Variants in SCAF8 observed in about 807,000 individuals in gnomAD.
SCAF8 encodes SR-related CTD associated factor 8.
Under a neutral mutation model 140.5 loss-of-function variants are expected in SCAF8, and 23 were observed. That is an observed-to-expected ratio of 0.16 (90% CI 0.12 to 0.23). SCAF8 has a LOEUF of 0.23. Among genes scored for constraint, SCAF8 ranks in the 10% least tolerant of loss-of-function variants. The pLI, the probability that SCAF8 is intolerant of heterozygous loss-of-function variation, is 1.00. For missense variants in SCAF8, 1,397 were observed against 1,555.7 expected, an observed-to-expected ratio of 0.90 and a Z score of 1.72; for synonymous variants, 575 against 528.9, an observed-to-expected ratio of 1.09 and a Z score of -1.20.
At chr6:154,809,064 T>C (rs1036918638) in intron 11 of SCAF8, among the ~76,000 whole-genome samples, 3 of 152,194 alleles carry the variant, frequency 2.0e-5, no homozygotes, top group Non-Finnish European at 4.4e-5. Context: ...GTTAATATTA[T>C]GATGACACCC....
At chr6:154,737,676 C>A (rs149908849) in intron 1 of SCAF8, among the ~76,000 whole-genome samples, 1 of 151,994 alleles carries the variant, frequency 6.6e-6, no homozygotes, top group Non-Finnish European at 1.5e-5. Flanking sequence ...CACTCTGGCC[C>A]GGGCAACAGT....
Position 154,790,701 on chromosome 6 carries a change from T to G in SCAF8, c.322-2122T>G, listed in dbSNP as rs569179964. Among the ~76,000 whole-genome samples the G allele has an allele frequency of 1.0e-3, 159 of 151,740 alleles. 1 individual carries two copies. Among genetic ancestry groups the G allele is most frequent in the South Asian group, 6.7e-3 (32 of 4,796 alleles). The stretch of plus-strand genomic sequence containing the variant: ...AATGTTTTGTATTTTTAGTAGAGAC[T>G]GGGTTTCACCATGTTAGCCAAGATG... On this transcript the variant is annotated intron_variant, in intron 4 of 19. Coordinates refer to ENST00000367178, the MANE Select transcript of SCAF8 (RefSeq NM_014892.5).
At chr6:154,749,559 G>A (rs1778789464) in intron 1 of SCAF8, among the ~76,000 whole-genome samples, 1 of 152,190 alleles carries the variant, frequency 6.6e-6, no homozygotes, top group African/African-American at 2.4e-5. Context: ...ATGAAGAGTA[G>A]TGATGTCACC....
chr6:154,778,486 T>C (rs528345786), intron 3 of SCAF8, among the ~76,000 whole-genome samples: 20 of 152,292 alleles, frequency 1.3e-4, no homozygotes, highest in African/African-American at 4.8e-4. Flanking sequence ...ATTGATAGGC[T>C]GTGCACAATG....
chr6:154,774,654 A>G (rs1024888389), intron 2 of SCAF8, among the ~76,000 whole-genome samples: 7 of 152,130 alleles, frequency 4.6e-5, no homozygotes, highest in African/African-American at 1.4e-4. Context: ...AAAATAGGCC[A>G]TTAAGGAAAA....
At chr6:154,740,834 G>T (rs1161715718) in intron 1 of SCAF8, among the ~76,000 whole-genome samples, 1 of 152,046 alleles carries the variant, frequency 6.6e-6, no homozygotes, top group Admixed American at 6.6e-5. Context: ...GCCCAGGCTG[G>T]TGTAGAACTC....
intron 1 of SCAF8, among the ~76,000 whole-genome samples, chr6:154,737,957 T>G (rs1257901921): frequency 6.6e-6 from 1 of 152,136 alleles, no homozygotes; most frequent in Non-Finnish European, 1.5e-5. Flanking sequence ...AGACTGAATT[T>G]TGTCACCCCC....
intron 1 of SCAF8, among the ~76,000 whole-genome samples, chr6:154,735,519 CTT>C (rs11406318): frequency 9.6e-5 from 13 of 135,486 alleles, no homozygotes; most frequent in Admixed American, 7.5e-5. Flanking sequence ...TGGGAATCTT[CTT>C]TTTTTTTTTT....
chr6:154,791,261 A>C (rs1198101504), intron 4 of SCAF8, among the ~76,000 whole-genome samples: 1 of 152,222 alleles, frequency 6.6e-6, no homozygotes, highest in Non-Finnish European at 1.5e-5. Flanking sequence ...AAATACTGCT[A>C]ATTATGTTAC....
rs766277386 is a variant in SCAF8, at chr6:154,766,286, CAG to C, written c.31-7702_31-7701del. On this transcript the variant is annotated intron_variant, in intron 1 of 19. Coordinates refer to ENST00000367178, the MANE Select transcript of SCAF8 (RefSeq NM_014892.5). ...GGGAGGCAGGAGAGGCAGACACACT[CAG>C]TGTAACTTTACAGAAATAATAATTT... Among the ~76,000 whole-genome samples the C allele has an allele frequency of 7.6e-4, 115 of 152,192 alleles. 1 individual carries two copies. The highest frequency in any genetic ancestry group is 8.4e-4 in the Non-Finnish European group (57 of 68,004).
rs544733953 is a variant in SCAF8, at chr6:154,736,801, C to A, written c.30+2871C>A. 3.0e-3 allele frequency among the ~76,000 whole-genome samples: 456 copies of A among 152,292 alleles called. 4 individuals are homozygous for A. Among genetic ancestry groups the A allele is most frequent in the African/African-American group, 0.011 (444 of 41,548 alleles). Reference sequence around the variant, plus strand: ...GTCCCATTTTAGTGTATGTAGCACTCTCCCATTTCCCCATATGGATTTCAA... The same window carrying A: ...GTCCCATTTTAGTGTATGTAGCACTATCCCATTTCCCCATATGGATTTCAA... On this transcript the variant is annotated intron_variant, in intron 1 of 19. Coordinates refer to ENST00000367178, the MANE Select transcript of SCAF8 (RefSeq NM_014892.5).
intron 9 of SCAF8, 88 bp downstream of exon 9, chr6:154,805,574 TA>T (rs1209056307): frequency 3.6e-6 from 2 of 550,206 alleles, no homozygotes; most frequent in African/African-American, 1.9e-5. Context: ...TTTTTTTTTT[TA>T]ATTGGTCTTA....
rs765199454 is a variant in SCAF8 at position 154,824,368 on chromosome 6, A to G, written c.2061A>G (p.Gln687=). 10 of 1,612,432 alleles carry G rather than the reference A, an allele frequency of 6.2e-6. No homozygotes were observed. The highest frequency in any genetic ancestry group is 2.2e-5 in the East Asian group (1 of 44,852). Reference sequence around the variant, plus strand: ...TAAGAGCAAGTTTTAACCCTTCACAACCACCACCTGGTAAGGAATTTTTGT... The same window carrying G: ...TAAGAGCAAGTTTTAACCCTTCACAGCCACCACCTGGTAAGGAATTTTTGT... ...PFLRASFNPS[Q]PPPGFMPPPV... is the part of the protein sequence containing the mutation. Residue 687 remains glutamine (Q), a synonymous_variant, in exon 17 of 20, where the codon CAA becomes CAG. Coordinates refer to ENST00000367178, the MANE Select transcript of SCAF8 (RefSeq NM_014892.5).
At chr6:154,792,575 G>A (rs1302435485) in intron 4 of SCAF8, among the ~76,000 whole-genome samples, 1 of 152,162 alleles carries the variant, frequency 6.6e-6, no homozygotes, top group African/African-American at 2.4e-5. Flanking sequence ...AAGCCTGGAT[G>A]TCATCTCCGC....
chr6:154,832,246 T>C lies in SCAF8; in HGVS notation c.2667T>C (p.Asn889=), dbSNP rs893561046. Residue 889 remains asparagine, a synonymous_variant, in exon 20 of 20, where the codon AAT becomes AAC. Transcript: ENST00000367178. ...GACTTGTAGGAGTACAGCCACCAAATGTTCCAAATACTCCTGGACTTCTGG... is the reference window on the plus strand; with the variant it reads ...GACTTGTAGGAGTACAGCCACCAAACGTTCCAAATACTCCTGGACTTCTGG... ...NSGLVGVQPP[N]VPNTPGLLGT... is the part of the protein sequence containing the mutation. 1 of 1,614,156 alleles carries C rather than the reference T, an allele frequency of 6.2e-7. No individual in the cohort carries two copies. The highest frequency in any genetic ancestry group is 8.5e-7 in the Non-Finnish European group (1 of 1,180,000).
intron 18 of SCAF8, among the ~76,000 whole-genome samples, chr6:154,828,005 C>G (rs1016325683): frequency 1.3e-5 from 2 of 152,126 alleles, no homozygotes; most frequent in Non-Finnish European, 2.9e-5. Context: ...ATTAGCCAGC[C>G]TATATTGACA....
rs1184713073 is a variant in SCAF8 at position 154,733,624 on chromosome 6, C to A, written c.-277C>A. On this transcript the variant is annotated 5_prime_UTR_variant, in exon 1 of 20. Transcript: ENST00000367178. ...GAAGAGAAGGCGCCGCGGCCCAGCC[C>A]CTCCCCCGCCCGCCGCCGACCCGCC... is the stretch of plus-strand genomic sequence containing the variant. The A allele has an allele frequency of 4.5e-5, 58 of 1,295,404 alleles. No homozygotes were observed. Among genetic ancestry groups the A allele is most frequent in the Non-Finnish European group, 5.7e-5 (58 of 1,025,978 alleles). 80.2% of individuals were successfully genotyped at this position (1,295,404 alleles called of 1,614,324 possible). A position where few individuals can be genotyped will look rare whatever the true frequency, so the allele number is the denominator to read the frequency against.
At chr6:154,739,230 G>A (rs974596755) in intron 1 of SCAF8, among the ~76,000 whole-genome samples, 4 of 152,086 alleles carry the variant, frequency 2.6e-5, no homozygotes, top group African/African-American at 9.7e-5. Context: ...GGCCTTTAAT[G>A]ATCCTGCTGT....
chr6:154,769,062 CAAAAAAA>C (rs56383173), intron 1 of SCAF8, among the ~76,000 whole-genome samples: 2 of 96,780 alleles, frequency 2.1e-5, no homozygotes, highest in African/African-American at 4.0e-5. Flanking sequence ...GACACTGTCT[CAAAAAAA>C]AAAAAAAAAA....
Sources: allele counts gnomAD v4.1 joint callset (sites outside exome capture counted in the v4.1 genomes callset), GRCh38; gene constraint gnomAD v4.1.1; transcripts MANE v1.5; gene names NCBI Gene and HGNC (gene_info 2026-07-23, HGNC 2026-07-21).